RARB: variants seen among roughly 807,000 people sequenced by gnomAD.
RARB encodes retinoic acid receptor beta.
Under a neutral mutation model 51.9 loss-of-function variants are expected in RARB, and 17 were observed. That is an observed-to-expected ratio of 0.33 (90% CI 0.22 to 0.49). The LOEUF (loss-of-function observed/expected upper bound fraction) is 0.49. Ranked by LOEUF, RARB falls within the 20% of genes least tolerant of loss-of-function variation. The pLI, the probability that RARB is intolerant of heterozygous loss-of-function variation, is 0.99. For synonymous variants in RARB, 215 were observed against 195.4 expected (o/e 1.10, Z -0.84); for missense variants, 369 against 550.8 (o/e 0.67, Z 3.30).
intron 5 of RARB, among the ~76,000 whole-genome samples, chr3:25,591,176 A>G (rs1210131509): frequency 6.6e-6 from 1 of 152,214 alleles, no homozygotes; most frequent in Non-Finnish European, 1.5e-5. Flanking sequence ...TGTTTTGAGA[A>G]CTACTCACAT....
intron 5 of RARB, among the ~76,000 whole-genome samples, chr3:25,188,558 T>C (rs191120697): frequency 1.3e-5 from 2 of 152,266 alleles, no homozygotes; most frequent in East Asian, 3.9e-4. Flanking sequence ...AGGAGGTATT[T>C]TGGAGTAGAA....
intron 4 of RARB, among the ~76,000 whole-genome samples, chr3:25,140,941 G>A (rs750304892): frequency 6.6e-6 from 1 of 152,078 alleles, no homozygotes; most frequent in Admixed American, 6.6e-5. Flanking sequence ...ATTAAGTTAT[G>A]TAGATGACTT....
At chr3:25,274,235 C>T (rs891509477) in intron 5 of RARB, among the ~76,000 whole-genome samples, 3 of 152,154 alleles carry the variant, frequency 2.0e-5, no homozygotes, top group Non-Finnish European at 4.4e-5. Flanking sequence ...AACTAGTATA[C>T]ATTTTGTTTT....
intron 2 of RARB, among the ~76,000 whole-genome samples, chr3:24,861,743 G>C (rs1179645878): frequency 6.6e-6 from 1 of 152,160 alleles, no homozygotes; most frequent in Non-Finnish European, 1.5e-5. Context: ...AAGCTGCAGT[G>C]ATATCACACG....
At chr3:24,960,296 A>G (rs867695111) in intron 2 of RARB, among the ~76,000 whole-genome samples, 1 of 89,770 alleles carries the variant, frequency 1.1e-5, no homozygotes, top group African/African-American at 5.0e-5. Flanking sequence ...GTATTCTATG[A>G]ATATATGTAC....
intron 2 of RARB, among the ~76,000 whole-genome samples, chr3:25,035,655 C>A (rs1424697494): frequency 6.6e-6 from 1 of 152,084 alleles, no homozygotes; most frequent in Non-Finnish European, 1.5e-5. Flanking sequence ...CTTTTTTCTA[C>A]AAAAGGCCAG....
At chr3:25,234,566 T>G (rs1702258924) in intron 5 of RARB, among the ~76,000 whole-genome samples, 1 of 152,144 alleles carries the variant, frequency 6.6e-6, no homozygotes, top group Non-Finnish European at 1.5e-5. Context: ...TATTCCATGC[T>G]TGGGGGTGAA....
intron 3 of RARB, among the ~76,000 whole-genome samples, chr3:25,069,629 G>A (rs76502060): frequency 0.014 from 2,161 of 152,216 alleles, 59 homozygotes; most frequent in African/African-American, 0.048. Flanking sequence ...AAATCTCAGA[G>A]GGAACTGCAC....
At chr3:25,430,485 C>G (rs1325546361) in intron 1 of RARB, among the ~76,000 whole-genome samples, 3 of 152,110 alleles carry the variant, frequency 2.0e-5, no homozygotes, top group African/African-American at 7.2e-5. Context: ...TCAGGATCCT[C>G]GCCAAAAGTT....
At chr3:24,945,511 C>G (rs1695754686) in intron 2 of RARB, among the ~76,000 whole-genome samples, 1 of 152,236 alleles carries the variant, frequency 6.6e-6, no homozygotes, top group Non-Finnish European at 1.5e-5. Context: ...TTGATTCAAA[C>G]AAGAATTCAT....
At chr3:24,845,903 A>T (rs902883389) in intron 1 of RARB, among the ~76,000 whole-genome samples, 1 of 152,172 alleles carries the variant, frequency 6.6e-6, no homozygotes, top group Admixed American at 6.5e-5. Flanking sequence ...CATCCCTTTG[A>T]TCACTGTCTT....
intron 1 of RARB, among the ~76,000 whole-genome samples, chr3:25,440,260 T>C (rs958521953): frequency 5.9e-5 from 9 of 151,712 alleles, no homozygotes; most frequent in East Asian, 3.9e-4. Context: ...GAGACCAGCC[T>C]AGGCAACACG....
chr3:25,056,506 A>G (rs1400153082), intron 2 of RARB, among the ~76,000 whole-genome samples: 1 of 152,154 alleles, frequency 6.6e-6, no homozygotes, highest in African/African-American at 2.4e-5. Flanking sequence ...TAGAATACAG[A>G]AAGCAAATAT....
chr3:25,006,595 C>G (rs11129175), intron 2 of RARB, among the ~76,000 whole-genome samples: 76,605 of 151,958 alleles, frequency 0.5, 20,265 homozygotes, highest in East Asian at 0.65. Context: ...TACCTTGTTT[C>G]TATTTTTAAA....
At chr3:24,912,723 C>A (rs1210356479) in intron 2 of RARB, among the ~76,000 whole-genome samples, 1 of 152,078 alleles carries the variant, frequency 6.6e-6, no homozygotes, top group East Asian at 1.9e-4. Flanking sequence ...TTGCATTTGA[C>A]ATTTCAACTA....
In RARB at chr3:25,467,802, C is replaced by A. The variant is rs556969743; in HGVS notation, c.306+6461C>A. On this transcript the variant is annotated intron_variant, in intron 2 of 7. Transcript: ENST00000330688. The stretch of plus-strand genomic sequence containing the variant: ...TATTCACCAATCATTCATCCTTAAG[C>A]ATATGTTTGTTGAACACCTACTAAG... Among the ~76,000 whole-genome samples the A allele has an allele frequency of 1.5e-3, 229 of 152,296 alleles. 1 individual carries two copies. Among genetic ancestry groups the A allele is most frequent in the African/African-American group, 4.8e-3 (200 of 41,562 alleles).
chr3:25,429,720 G>C (rs1007891641), intron 1 of RARB, among the ~76,000 whole-genome samples: 4 of 152,196 alleles, frequency 2.6e-5, no homozygotes, highest in Non-Finnish European at 5.9e-5. Flanking sequence ...GCCGAGGTAC[G>C]CACCTGGTCA....
At chr3:25,297,961 T>A (rs1424276431) in intron 5 of RARB, among the ~76,000 whole-genome samples, 2 of 152,190 alleles carry the variant, frequency 1.3e-5, no homozygotes, top group African/African-American at 2.4e-5. Context: ...CATTAATTTT[T>A]AATTTACTCT....
chr3:25,387,500 T>A (rs1706828317), intron 5 of RARB, among the ~76,000 whole-genome samples: 1 of 152,166 alleles, frequency 6.6e-6, no homozygotes. Context: ...TACGCAATCA[T>A]TCCTTCTGTT....
Sources: allele counts gnomAD v4.1 joint callset (sites outside exome capture counted in the v4.1 genomes callset), GRCh38; gene constraint gnomAD v4.1.1; transcripts MANE v1.5; gene names NCBI Gene and HGNC (gene_info 2026-07-23, HGNC 2026-07-21).